LGI1: variants seen among roughly 807,000 people sequenced by gnomAD.
The protein encoded by LGI1 is leucine rich glioma inactivated 1.
In LGI1, 11 loss-of-function variants were observed where a neutral mutation model predicts 57.7. The ratio of observed to expected loss-of-function variants is 0.19; its 90% CI spans 0.12 to 0.32. LGI1 has a LOEUF of 0.32. LGI1 is among the 10% of genes least tolerant of loss of function. The pLI, the probability that LGI1 is intolerant of heterozygous loss-of-function variation, is 1.00. For synonymous variants in LGI1, 222 were observed against 241.9 expected, an observed-to-expected ratio of 0.92 and a Z score of 0.76; for missense variants, 422 against 661.9, an observed-to-expected ratio of 0.64 and a Z score of 3.98.
Position 93,758,417 on chromosome 10 carries a change from A to T in LGI1, c.215+58A>T. On this transcript the variant is annotated intron_variant, in intron 1 of 7. Coordinates refer to ENST00000371418, the MANE Select transcript of LGI1 (RefSeq NM_005097.4). This position sits in a 1 kb window ranked among gnomAD's most constrained non-coding sequence, Gnocchi z 4.7. ...ACGATTTAAAAATTCCAGCCGGTGG[A>T]TTTGGGGCTTTGCATGTATTTGTAG... 2 of 1,524,764 alleles carry T rather than the reference A, an allele frequency of 1.3e-6. No individual in the cohort carries two copies. 94.5% of individuals were successfully genotyped at this position (1,524,764 alleles called of 1,614,324 possible).
chr10:93,774,885 T>TA (rs1180719163), intron 2 of LGI1, among the ~76,000 whole-genome samples: 2 of 152,204 alleles, frequency 1.3e-5, no homozygotes, highest in Non-Finnish European at 2.9e-5. Flanking sequence ...CTGTATAGAA[T>TA]ATGATGTAGG....
chr10:93,797,031 A>G lies in LGI1; in HGVS notation c.902A>G (p.Gln301Arg). 2.5e-6 allele frequency: 4 copies of G among 1,614,136 alleles called. No individual in the cohort carries two copies. Among genetic ancestry groups the G allele is most frequent in the African/African-American group, 1.3e-5 (1 of 75,072 alleles). The change falls in exon 8 of 8, where the codon CAG (glutamine) becomes CGG (arginine). Residue 301 changes from glutamine to arginine, a missense_variant. By Grantham distance (43) the Gln-to-Arg change is conservative. Transcript: ENST00000371418. This position sits in a 1 kb window ranked among gnomAD's most constrained non-coding sequence, Gnocchi z 6.5. ...IETQLYVIVA[Q>R]LFGGSHIYKR... The stretch of plus-strand genomic sequence containing the variant: ...ACTCAGCTCTATGTTATTGTGGCCC[A>G]GCTGTTTGGTGGCTCTCACATCTAT...
At position 93,780,515 on chromosome 10, in the gene LGI1, C is replaced by A. The variant is rs1018593990; in HGVS notation, c.431+2898C>A. ...AATTAGTACCTCACCCTCTAACCTG[C>A]ATGCATTGCAGGAAGAGGTTACAAA... is the stretch of plus-strand genomic sequence containing the variant. On this transcript the variant is annotated intron_variant, in intron 4 of 7. Transcript: ENST00000371418. Among the ~76,000 whole-genome samples, 5 of 152,204 alleles carry A rather than the reference C, an allele frequency of 3.3e-5. No homozygotes were observed. The East Asian group carries it at 9.6e-4, about 29-fold the overall frequency.
intron 2 of LGI1, chr10:93,769,266 G>C (rs748397915): frequency 2.0e-5 from 3 of 152,166 alleles, no homozygotes; most frequent in Non-Finnish European, 2.9e-5. Context: ...TCTTCCAACA[G>C]CTATAACCTG....
chr10:93,770,801 AC>A (rs1340345170), intron 2 of LGI1: 3 of 152,186 alleles, frequency 2.0e-5, no homozygotes, highest in Non-Finnish European at 2.9e-5. Flanking sequence ...TTTAAAAAAA[AC>A]AATTACAGGC....
At chr10:93,762,816 G>T (rs548953416) in intron 2 of LGI1, 1 of 152,076 alleles carries the variant, frequency 6.6e-6, no homozygotes, top group Non-Finnish European at 1.5e-5. Flanking sequence ...TCCATGTACA[G>T]GTTTGTTACT....
At chr10:93,781,372 A>T (rs890711934) in intron 4 of LGI1, among the ~76,000 whole-genome samples, 30 of 151,452 alleles carry the variant, frequency 2.0e-4, no homozygotes, top group Non-Finnish European at 4.0e-4. Context: ...GAAGTAAATA[A>T]ATAAATAAAT....
intron 4 of LGI1, 68 bp downstream of exon 4, chr10:93,777,685 T>A: frequency 2.5e-6 from 3 of 1,209,496 alleles, no homozygotes; most frequent in Non-Finnish European, 3.7e-6. Flanking sequence ...CACCTGTGGT[T>A]AATGCACCTA....
Position 93,777,592 on chromosome 10 carries a change from C to A in LGI1, c.406C>A (p.Arg136=). 1 of 1,613,138 alleles carries A rather than the reference C, an allele frequency of 6.2e-7. No homozygotes were observed. The highest frequency in any genetic ancestry group is 8.5e-7 in the Non-Finnish European group (1 of 1,179,214). ...CAAGTCAATTTCAAGACATACTTTC[C>A]GGGGACTAAAGTCATTAATTCACTT... is the stretch of plus-strand genomic sequence containing the variant. ...NIKSISRHTF[R]GLKSLIHLSL... is the part of the protein sequence containing the mutation. The change falls in exon 4 of 8, where the codon CGG becomes AGG. Residue 136 remains arginine (R), a synonymous_variant. Coordinates refer to ENST00000371418, the MANE Select transcript of LGI1 (RefSeq NM_005097.4).
At chr10:93,775,205 A>G (rs769491646) in intron 2 of LGI1, among the ~76,000 whole-genome samples, 7 of 152,150 alleles carry the variant, frequency 4.6e-5, no homozygotes, top group Non-Finnish European at 1.0e-4. Context: ...CATTACCCCA[A>G]AAGATGCCCC....
intron 2 of LGI1, chr10:93,772,911 TA>T (rs1034867391): frequency 3.8e-4 from 55 of 144,266 alleles, no homozygotes; most frequent in Middle Eastern, 3.6e-3. Flanking sequence ...TCCATCTCTA[TA>T]AAAAAAAAAA....
intron 2 of LGI1, chr10:93,770,386 C>T (rs11187652): frequency 0.073 from 11,105 of 152,404 alleles, 908 homozygotes; most frequent in African/African-American, 0.2. Context: ...AACACATGAG[C>T]CTGCCCAGTC....
At chr10:93,784,447 T>C (rs1564848075) in intron 4 of LGI1, among the ~76,000 whole-genome samples, 2 of 152,226 alleles carry the variant, frequency 1.3e-5, no homozygotes, top group Non-Finnish European at 2.9e-5. Flanking sequence ...TCATTCACTT[T>C]ATAGAAAAGG....
At chr10:93,776,654 T>C (rs1204416590) in intron 2 of LGI1, among the ~76,000 whole-genome samples, 1 of 152,210 alleles carries the variant, frequency 6.6e-6, no homozygotes, top group Middle Eastern at 3.2e-3. Context: ...AAACTACCTC[T>C]TTTAAGCCTC....
At position 93,789,942 on chromosome 10, in the gene LGI1, C is replaced by A. The variant is rs768700275; in HGVS notation, c.432-157C>A. 71 of 665,562 alleles carry A rather than the reference C, an allele frequency of 1.1e-4. No individual in the cohort carries two copies. The Middle Eastern group carries it at 1.6e-3, about 15-fold the overall frequency. The allele number at this position is 665,562 out of a possible 1,614,324, so 41.2% of individuals were successfully genotyped here. A position where few individuals can be genotyped will look rare whatever the true frequency, so the allele number is the denominator to read the frequency against. ...AGGTTAGGAACTGAAAGGACAATAG[C>A]AGGAATCTGAGTAGTAGTTCAGAAG... On this transcript the variant is annotated intron_variant, in intron 4 of 7. Coordinates refer to ENST00000371418, the MANE Select transcript of LGI1 (RefSeq NM_005097.4).
intron 5 of LGI1, chr10:93,790,930 T>C (rs2059932861): frequency 2.0e-5 from 3 of 152,176 alleles, no homozygotes; most frequent in African/African-American, 7.2e-5. Context: ...CAGGAACAAA[T>C]GAAAGGATAT....
intron 2 of LGI1, chr10:93,762,633 C>T (rs2059635141): frequency 6.6e-6 from 1 of 152,172 alleles, no homozygotes; most frequent in Non-Finnish European, 1.5e-5. Context: ...TGGTTTGTAT[C>T]CAGCTGATGC....
rs1234339369 is a variant in LGI1, at chr10:93,758,191, T to C, written c.47T>C (p.Leu16Pro). 1 of 1,614,204 alleles carries C rather than the reference T, an allele frequency of 6.2e-7. No individual in the cohort carries two copies. Among genetic ancestry groups the C allele is most frequent in the South Asian group, 1.1e-5 (1 of 91,078 alleles). The change falls in exon 1 of 8, where the codon CTG (leucine) becomes CCG (proline). Residue 16 changes from leucine (L) to proline (P), a missense_variant. Leu to Pro is a moderately conservative substitution (Grantham distance 98). This residue lies in a region of LGI1 where 58 missense variants were observed against 61.8 expected (regional missense o/e 0.94). Coordinates refer to ENST00000371418, the MANE Select transcript of LGI1 (RefSeq NM_005097.4). This position sits in a 1 kb window ranked among gnomAD's most constrained non-coding sequence, Gnocchi z 4.7. ...SKRMGNACIPLKRIAYFLCLL... is the reference protein window; with the variant it reads ...SKRMGNACIPPKRIAYFLCLL... The stretch of plus-strand genomic sequence containing the variant: ...AGGATGGGAAATGCCTGCATTCCCC[T>C]GAAAAGAATTGCTTATTTCCTATGT...
At chr10:93,760,234 G>A (rs916606520) in intron 2 of LGI1, among the ~76,000 whole-genome samples, 2 of 152,178 alleles carry the variant, frequency 1.3e-5, no homozygotes, top group Non-Finnish European at 2.9e-5. Context: ...TTCCTAAGGG[G>A]TTTATCTGTT....
Sources: gnomAD v4.1 joint callset for allele counts (sites outside exome capture counted in the v4.1 genomes callset) on GRCh38, gnomAD v4.1.1 for gene constraint, gnomAD v4.1.1 regional missense constraint, Gnocchi (gnomAD v3.1) non-coding constraint, MANE v1.5 for transcripts, NCBI Gene and HGNC (gene_info 2026-07-23, HGNC 2026-07-21) for gene names.